CNTNAP2: variants seen among roughly 807,000 people sequenced by gnomAD.
CNTNAP2 encodes the protein contactin associated protein 2, also known as contactin-associated protein-like 2.
In CNTNAP2, 98 loss-of-function variants were observed where a neutral mutation model predicts 155.2. That is an observed-to-expected ratio of 0.63 (90% CI 0.54 to 0.75). The LOEUF is 0.75. Ranked by LOEUF, CNTNAP2 falls within the 30% of genes least tolerant of loss-of-function variation. The probability of loss-of-function intolerance (pLI) is 0.00; values close to 1 mark genes in which losing one functional copy is unlikely to be tolerated. For synonymous variants in CNTNAP2, 651 were observed against 631.2 expected, an observed-to-expected ratio of 1.03 and a Z score of -0.47; for missense variants, 1,727 against 1,688.1, an observed-to-expected ratio of 1.02 and a Z score of -0.40.
intron 3 of CNTNAP2, among the ~76,000 whole-genome samples, chr7:146,847,357 G>C (rs910414596): frequency 2.6e-5 from 4 of 152,174 alleles, no homozygotes; most frequent in Middle Eastern, 3.4e-3. Context: ...AGACCACCTA[G>C]GCAGATTATA....
rs879324090 is a variant in CNTNAP2 at position 147,780,404 on chromosome 7, G to GT, written c.2099-123153dup. On this transcript the variant is annotated intron_variant, in intron 13 of 23. Coordinates refer to ENST00000361727, the MANE Select transcript of CNTNAP2 (RefSeq NM_014141.6). ...CAATTGTTAATTTAAAAATTAACAG[G>GT]TTTTTTTTAAAGTTTTAATATTATA... 4.9e-4 allele frequency among the ~76,000 whole-genome samples: 75 copies of GT among 151,840 alleles called. 1 individual carries two copies. Among genetic ancestry groups the GT allele is most frequent in the South Asian group, 1.0e-3 (5 of 4,794 alleles).
chr7:146,519,356 G>A (rs1797584980), intron 1 of CNTNAP2, among the ~76,000 whole-genome samples: 1 of 151,786 alleles, frequency 6.6e-6, no homozygotes, highest in Non-Finnish European at 1.5e-5. Context: ...GAGGGAGGAA[G>A]GATGGGTTGG....
At chr7:146,893,193 T>G (rs1385786049) in intron 3 of CNTNAP2, among the ~76,000 whole-genome samples, 1 of 152,266 alleles carries the variant, frequency 6.6e-6, no homozygotes, top group East Asian at 1.9e-4. Flanking sequence ...AAAACCAGTA[T>G]ATAATGAGCT....
At position 148,354,178 on chromosome 7, in the gene CNTNAP2, A is replaced by ATTTTT. The variant is rs57278575; in HGVS notation, c.3476-29448_3476-29444dup. Among the ~76,000 whole-genome samples the ATTTTT allele has an allele frequency of 1.6e-4, 16 of 99,294 alleles. 1 individual carries two copies. The highest frequency in any genetic ancestry group is 3.9e-4 in the South Asian group (1 of 2,552). 65.1% of individuals were successfully genotyped at this position (99,294 alleles called of 152,430 possible). A position where few individuals can be genotyped will look rare whatever the true frequency, so the allele number is the denominator to read the frequency against. On this transcript the variant is annotated intron_variant, in intron 21 of 23. Coordinates refer to ENST00000361727, the MANE Select transcript of CNTNAP2 (RefSeq NM_014141.6). ...GGTGCTGAGAAATACGAAACGATTA[A>ATTTTT]TTTTTTTTTTTTTTTTTTTTTTTTT...
rs374851497 is a variant in CNTNAP2 at position 148,263,918 on chromosome 7, C to T, written c.3382-3115C>T. ...AAAATGGCTGCCAAAAAGCCAAGGCCGTCTAGTCTGGATCTGCAGAAACAA... is the reference window on the plus strand; with the variant it reads ...AAAATGGCTGCCAAAAAGCCAAGGCTGTCTAGTCTGGATCTGCAGAAACAA... On this transcript the variant is annotated intron_variant, in intron 20 of 23. Coordinates refer to ENST00000361727, the MANE Select transcript of CNTNAP2 (RefSeq NM_014141.6). 4.6e-5 allele frequency among the ~76,000 whole-genome samples: 7 copies of T among 152,158 alleles called. No homozygotes were observed. In the East Asian group the frequency reaches 1.4e-3, roughly 29 times the overall value.
chr7:146,559,376 T>C (rs893945892), intron 1 of CNTNAP2, among the ~76,000 whole-genome samples: 1 of 152,122 alleles, frequency 6.6e-6, no homozygotes, highest in East Asian at 1.9e-4. Context: ...GAGACTATCC[T>C]GGCTAACGTG....
chr7:146,567,783 C>T (rs1000248793), intron 1 of CNTNAP2, among the ~76,000 whole-genome samples: 3 of 152,034 alleles, frequency 2.0e-5, no homozygotes, highest in Non-Finnish European at 4.4e-5. Context: ...TGCAGTGGCG[C>T]GATCTCGGCT....
chr7:148,001,501 G>A (rs374486867), intron 15 of CNTNAP2, among the ~76,000 whole-genome samples: 13 of 152,290 alleles, frequency 8.5e-5, no homozygotes, highest in East Asian at 1.9e-4. Context: ...GTGTTTCAAA[G>A]TATAGGACGA....
chr7:146,169,025 C>T (rs982338422), intron 1 of CNTNAP2, among the ~76,000 whole-genome samples: 4 of 152,192 alleles, frequency 2.6e-5, no homozygotes, highest in Admixed American at 2.6e-4. Context: ...ATTTGAACCT[C>T]AGGACCTTTG....
At chr7:146,818,548 A>G (rs1301598595) in intron 2 of CNTNAP2, among the ~76,000 whole-genome samples, 1 of 152,164 alleles carries the variant, frequency 6.6e-6, no homozygotes, top group African/African-American at 2.4e-5. Flanking sequence ...GGAAAAAGAA[A>G]GCACACGATG....
intron 21 of CNTNAP2, among the ~76,000 whole-genome samples, chr7:148,364,142 C>T (rs1345177232): frequency 6.6e-6 from 1 of 152,234 alleles, no homozygotes; most frequent in East Asian, 1.9e-4. Context: ...GAGCGCCACC[C>T]CCTGCTCCAC....
intron 1 of CNTNAP2, among the ~76,000 whole-genome samples, chr7:146,708,770 A>AT (rs1247278713): frequency 6.6e-6 from 1 of 151,062 alleles, no homozygotes; most frequent in African/African-American, 2.4e-5. Context: ...TAATTTTTGT[A>AT]TTTTTTGTGG....
intron 21 of CNTNAP2, among the ~76,000 whole-genome samples, chr7:148,313,357 A>G (rs1213674451): frequency 6.6e-6 from 1 of 151,564 alleles, no homozygotes; most frequent in Non-Finnish European, 1.5e-5. Flanking sequence ...GGAGTCAGAG[A>G]GCCTTAGGCC....
intron 9 of CNTNAP2, among the ~76,000 whole-genome samples, chr7:147,376,414 G>T (rs1796434460): frequency 6.6e-6 from 1 of 151,950 alleles, no homozygotes; most frequent in African/African-American, 2.4e-5. Context: ...GTTTCATCGA[G>T]GAAGTAGGGT....
chr7:147,191,136 G>T (rs545148077), intron 8 of CNTNAP2, among the ~76,000 whole-genome samples: 37 of 152,252 alleles, frequency 2.4e-4, no homozygotes, highest in African/African-American at 8.9e-4. Context: ...GGCCCAGAGA[G>T]AGTTGAAGGG....
intron 1 of CNTNAP2, among the ~76,000 whole-genome samples, chr7:146,241,454 C>T (rs1038176280): frequency 6.6e-6 from 1 of 152,168 alleles, no homozygotes; most frequent in South Asian, 2.1e-4. Flanking sequence ...CACATACATA[C>T]AAGCATGGCT....
At chr7:147,243,924 A>T (rs1254306126) in intron 8 of CNTNAP2, among the ~76,000 whole-genome samples, 3 of 152,162 alleles carry the variant, frequency 2.0e-5, no homozygotes, top group African/African-American at 4.8e-5. Context: ...GTTTTTCCTC[A>T]CAGAAATAAA....
intron 14 of CNTNAP2, among the ~76,000 whole-genome samples, chr7:147,909,911 AG>A (rs5888294): frequency 0.21 from 32,021 of 152,024 alleles, 3,578 homozygotes; most frequent in Middle Eastern, 0.28. Context: ...ATTAGTCAGC[AG>A]TTCCCACCTC....
intron 13 of CNTNAP2, among the ~76,000 whole-genome samples, chr7:147,718,608 A>T (rs186702037): frequency 2.6e-5 from 4 of 151,998 alleles, no homozygotes; most frequent in African/African-American, 7.2e-5. Context: ...TTTTGGTAAG[A>T]CCTGTTTTGC....
Sources: allele counts gnomAD v4.1 joint callset (sites outside exome capture counted in the v4.1 genomes callset), GRCh38; gene constraint gnomAD v4.1.1; transcripts MANE v1.5; gene names NCBI Gene and HGNC (gene_info 2026-07-23, HGNC 2026-07-21).